Variants in LUZP2 observed in about 807,000 individuals in gnomAD.
LUZP2 encodes the protein leucine zipper protein 2.
A neutral mutation model predicts 51.6 loss-of-function variants in LUZP2; 52 were observed. The ratio of observed to expected loss-of-function variants is 1.01; its 90% CI spans 0.81 to 1.27. LUZP2 has a LOEUF of 1.27. LUZP2 is among the 50% of genes most tolerant of loss of function. The pLI, the probability that LUZP2 is intolerant of heterozygous loss-of-function variation, is 0.00. For synonymous variants in LUZP2, 154 were observed against 137.3 expected, an observed-to-expected ratio of 1.12 and a Z score of -0.85; for missense variants, 436 against 395.4, an observed-to-expected ratio of 1.10 and a Z score of -0.87.
intron 5 of LUZP2, among the ~76,000 whole-genome samples, chr11:24,821,728 CAT>C (rs1850364254): frequency 1.3e-5 from 2 of 152,078 alleles, no homozygotes; most frequent in Admixed American, 1.3e-4. Context: ...TAAAAAATAA[CAT>C]ATTTTCAGAT....
intron 9 of LUZP2, among the ~76,000 whole-genome samples, chr11:24,987,234 A>G (rs1182944662): frequency 1.3e-5 from 2 of 152,012 alleles, no homozygotes; most frequent in African/African-American, 4.8e-5. Flanking sequence ...GTGGGATGTT[A>G]CTTTAACTTT....
Position 24,497,185 on chromosome 11 carries a change from G to A in LUZP2, c.-59G>A. The stretch of plus-strand genomic sequence containing the variant: ...CAGAGCCGGGCACCAAGGAGCGACA[G>A]GATCCCGAAGAGAGAGAGAGAAGGC... On this transcript the variant is annotated 5_prime_UTR_variant, in exon 1 of 12. Coordinates refer to ENST00000336930, the MANE Select transcript of LUZP2 (RefSeq NM_001009909.4). 6.8e-7 allele frequency: 1 copy of A among 1,460,392 alleles called. No homozygotes were observed. The highest frequency in any genetic ancestry group is 1.4e-5 in the African/African-American group (1 of 69,612). 90.5% of individuals were successfully genotyped at this position (1,460,392 alleles called of 1,614,324 possible). A position where few individuals can be genotyped will look rare whatever the true frequency, so the allele number is the denominator to read the frequency against.
chr11:24,919,808 G>C (rs1412111889), intron 7 of LUZP2, among the ~76,000 whole-genome samples: 1 of 150,818 alleles, frequency 6.6e-6, no homozygotes, highest in East Asian at 2.0e-4. Flanking sequence ...TTGCTACCTA[G>C]TACAGGTGAT....
At chr11:25,071,342 A>G (rs1050712747) in intron 10 of LUZP2, among the ~76,000 whole-genome samples, 8 of 152,018 alleles carry the variant, frequency 5.3e-5, no homozygotes, top group African/African-American at 1.2e-4. Context: ...ACATGTATAC[A>G]TATGTAACAA....
Position 24,621,993 on chromosome 11 carries a change from C to T in LUZP2, c.63-107176C>T, listed in dbSNP as rs114126905. On this transcript the variant is annotated intron_variant, in intron 1 of 11. Transcript: ENST00000336930. ...AAAAATACACGGTATCACTCTGTCA[C>T]CCAGAGGCACAGTCTCAGCTCACTG... Among the ~76,000 whole-genome samples, 1,270 of 152,006 alleles carry T rather than the reference C, an allele frequency of 8.4e-3. 23 individuals carry two copies. Among genetic ancestry groups the T allele is most frequent in the African/African-American group, 0.03 (1,225 of 41,462 alleles).
At chr11:24,498,446 A>C (rs116890943) in intron 1 of LUZP2, among the ~76,000 whole-genome samples, 43 of 152,254 alleles carry the variant, frequency 2.8e-4, no homozygotes, top group Non-Finnish European at 4.1e-4. Flanking sequence ...GTGTAACCAA[A>C]CTTTCCTTTT....
At chr11:25,062,690 G>A (rs1387484116) in intron 10 of LUZP2, among the ~76,000 whole-genome samples, 2 of 147,410 alleles carry the variant, frequency 1.4e-5, no homozygotes, top group African/African-American at 5.0e-5. Flanking sequence ...CTTTATCATT[G>A]TGCTATGACA....
At chr11:24,569,209 TATCTAC>T (rs1852346034) in intron 1 of LUZP2, among the ~76,000 whole-genome samples, 1 of 152,074 alleles carries the variant, frequency 6.6e-6, no homozygotes, top group African/African-American at 2.4e-5. Flanking sequence ...TCTGCATTTG[TATCTAC>T]ATCTACATTT....
intron 5 of LUZP2, among the ~76,000 whole-genome samples, chr11:24,803,585 C>A (rs1398902355): frequency 1.3e-5 from 2 of 152,002 alleles, no homozygotes; most frequent in African/African-American, 4.8e-5. Context: ...ACCCAAGTGT[C>A]CATTGACAGA....
At chr11:24,606,821 G>C (rs1853935190) in intron 1 of LUZP2, among the ~76,000 whole-genome samples, 5 of 151,818 alleles carry the variant, frequency 3.3e-5, no homozygotes, top group African/African-American at 7.3e-5. Flanking sequence ...ATTATATTTT[G>C]ACTTTTTATT....
At chr11:25,068,374 T>C (rs2896724) in intron 10 of LUZP2, among the ~76,000 whole-genome samples, 136,588 of 151,904 alleles carry the variant, frequency 0.9, 62,396 homozygotes, top group Non-Finnish European at 0.98. Context: ...TAATTTAATT[T>C]AGTAATAGAG....
chr11:24,942,273 T>C (rs1565139170), intron 7 of LUZP2, among the ~76,000 whole-genome samples: 1 of 152,114 alleles, frequency 6.6e-6, no homozygotes, highest in African/African-American at 2.4e-5. Flanking sequence ...TTAAATTGTA[T>C]AAAAAATTGC....
chr11:25,002,676 A>G (rs1281349322), intron 9 of LUZP2, among the ~76,000 whole-genome samples: 2 of 152,254 alleles, frequency 1.3e-5, no homozygotes, highest in East Asian at 3.9e-4. Context: ...TTACTTAGGT[A>G]TGTCACTGGT....
intron 7 of LUZP2, among the ~76,000 whole-genome samples, chr11:24,934,417 T>G (rs918295933): frequency 2.6e-5 from 4 of 152,212 alleles, no homozygotes; most frequent in African/African-American, 9.6e-5. Context: ...TGTTCCAAGT[T>G]TCTATTATTT....
chr11:25,033,071 C>T (rs1170912843), intron 9 of LUZP2, among the ~76,000 whole-genome samples: 1 of 152,070 alleles, frequency 6.6e-6, no homozygotes, highest in Non-Finnish European at 1.5e-5. Flanking sequence ...TGGAAAGAAA[C>T]AAAACGCCGG....
rs112435108 is a variant in LUZP2 at position 24,825,490 on chromosome 11, C to G, written c.396+62182C>G. On this transcript the variant is annotated intron_variant, in intron 5 of 11. Coordinates refer to ENST00000336930, the MANE Select transcript of LUZP2 (RefSeq NM_001009909.4). Reference sequence around the variant, plus strand: ...ATCTGGTCTTCAGTGTCTTTGTACACAATGATCTTTTTATAAACACACTAG... The same window carrying G: ...ATCTGGTCTTCAGTGTCTTTGTACAGAATGATCTTTTTATAAACACACTAG... Among the ~76,000 whole-genome samples, 1,482 of 152,182 alleles carry G rather than the reference C, an allele frequency of 9.7e-3. 12 individuals are homozygous for G. Among genetic ancestry groups the G allele is most frequent in the Middle Eastern group, 0.054 (16 of 294 alleles).
At chr11:25,068,902 A>G (rs530506417) in intron 10 of LUZP2, among the ~76,000 whole-genome samples, 1 of 151,882 alleles carries the variant, frequency 6.6e-6, no homozygotes, top group Admixed American at 6.6e-5. Flanking sequence ...TTTTGTCCTC[A>G]TGACTCTATC....
At chr11:24,944,331 G>C (rs1452975620) in intron 7 of LUZP2, among the ~76,000 whole-genome samples, 1 of 152,138 alleles carries the variant, frequency 6.6e-6, no homozygotes, top group Admixed American at 6.5e-5. Flanking sequence ...GCTCTGAGAG[G>C]TTAAGGCATT....
rs150088237 is a variant in LUZP2 at position 24,818,009 on chromosome 11, G to C, written c.396+54701G>C. ...GTTCTTTAGAAATATAGCAAGCATG[G>C]GGCATCTTGTAATCAAATAAACTAT... is the stretch of plus-strand genomic sequence containing the variant. On this transcript the variant is annotated intron_variant, in intron 5 of 11. Transcript: ENST00000336930. Among the ~76,000 whole-genome samples the C allele has an allele frequency of 3.9e-3, 594 of 152,076 alleles. 3 individuals are homozygous for C. Among genetic ancestry groups the C allele is most frequent in the Non-Finnish European group, 6.5e-3 (444 of 67,926 alleles).
Sources: allele counts gnomAD v4.1 joint callset (sites outside exome capture counted in the v4.1 genomes callset), GRCh38; gene constraint gnomAD v4.1.1; transcripts MANE v1.5; gene names NCBI Gene and HGNC (gene_info 2026-07-23, HGNC 2026-07-21).